Variants in TMEM117 observed in about 807,000 individuals in gnomAD.
TMEM117 encodes the protein transmembrane protein 117.
In TMEM117, 27 loss-of-function variants were observed where a neutral mutation model predicts 52.4. That is an observed-to-expected ratio of 0.51 (90% CI 0.38 to 0.71). The LOEUF is 0.71. Ranked by LOEUF, TMEM117 falls within the 30% of genes least tolerant of loss-of-function variation. TMEM117 has a pLI of 0.00. For synonymous variants in TMEM117, 215 were observed against 206.3 expected (o/e 1.04, Z -0.36); for missense variants, 556 against 630.5 (o/e 0.88, Z 1.26).
At chr12:43,797,976 T>C in the TMEM117 span, 1 of 829,464 alleles carries the variant, frequency 1.2e-6, no homozygotes. Context: ...TTGTTTACGG[T>C]CCTGCTAGCA....
intron 3 of TMEM117, among the ~76,000 whole-genome samples, chr12:44,086,759 A>G (rs958707120): frequency 3.9e-5 from 6 of 151,976 alleles, no homozygotes; most frequent in Admixed American, 3.9e-4. Context: ...GTTTTTAGAA[A>G]CAGTTTTTAC....
intron 4 of TMEM117, among the ~76,000 whole-genome samples, chr12:44,183,710 T>G (rs1949237201): frequency 2.0e-5 from 3 of 152,132 alleles, no homozygotes; most frequent in African/African-American, 7.2e-5. Context: ...AATATGCAAC[T>G]GAGTAGCCTA....
At chr12:44,025,597 A>G (rs945602699) in intron 3 of TMEM117, among the ~76,000 whole-genome samples, 2 of 152,186 alleles carry the variant, frequency 1.3e-5, no homozygotes, top group Non-Finnish European at 2.9e-5. Context: ...AGGAACATGT[A>G]GTAATGAAAT....
intron 4 of TMEM117, among the ~76,000 whole-genome samples, chr12:44,161,331 A>G (rs1310488162): frequency 6.6e-6 from 1 of 152,150 alleles, no homozygotes; most frequent in East Asian, 1.9e-4. Context: ...TTAAATCTCA[A>G]TTCTGATACT....
chr12:44,116,962 T>G (rs925652216), intron 3 of TMEM117, among the ~76,000 whole-genome samples: 3 of 152,214 alleles, frequency 2.0e-5, no homozygotes, highest in Non-Finnish European at 4.4e-5. Flanking sequence ...TGTTGTCAGC[T>G]GAATGTTAAT....
chr12:43,842,223 AG>A (rs888623981), intron 1 of TMEM117, among the ~76,000 whole-genome samples: 5 of 152,166 alleles, frequency 3.3e-5, no homozygotes, highest in Non-Finnish European at 7.3e-5. Flanking sequence ...CTTTGATGTG[AG>A]AGTCACACAT....
intron 3 of TMEM117, among the ~76,000 whole-genome samples, chr12:44,136,298 G>A (rs1349297734): frequency 6.6e-6 from 1 of 151,972 alleles, no homozygotes; most frequent in Non-Finnish European, 1.5e-5. Flanking sequence ...TGTTGTATTT[G>A]TTTACTTCAT....
chr12:44,170,318 T>G (rs1949027607), intron 4 of TMEM117, among the ~76,000 whole-genome samples: 1 of 134,626 alleles, frequency 7.4e-6, no homozygotes, highest in African/African-American at 2.7e-5. Flanking sequence ...GGGGGAGGGA[T>G]AGCATTAGGA....
chr12:44,096,694 A>G (rs1216069547), intron 3 of TMEM117, among the ~76,000 whole-genome samples: 1 of 152,108 alleles, frequency 6.6e-6, no homozygotes, highest in Non-Finnish European at 1.5e-5. Context: ...CCTTCCTTAC[A>G]CCTTATACAA....
the TMEM117 span, among the ~76,000 whole-genome samples, chr12:44,398,527 T>G: frequency 6.6e-6 from 1 of 152,130 alleles, no homozygotes; most frequent in Non-Finnish European, 1.5e-5. Context: ...GAAAATGGAC[T>G]GCAGACAAGA....
intron 4 of TMEM117, among the ~76,000 whole-genome samples, chr12:44,175,701 G>A (rs1431979429): frequency 6.6e-6 from 1 of 152,134 alleles, no homozygotes; most frequent in Non-Finnish European, 1.5e-5. Flanking sequence ...GTCAAATGAA[G>A]AAGGTAGAGC....
At chr12:44,059,726 C>CTCATTT (rs1187948579) in intron 3 of TMEM117, among the ~76,000 whole-genome samples, 1 of 152,160 alleles carries the variant, frequency 6.6e-6, no homozygotes, top group East Asian at 1.9e-4. Context: ...GTGCAATGTG[C>CTCATTT]TCATTAAAAT....
At chr12:44,282,141 T>C (rs143856199) in intron 5 of TMEM117, among the ~76,000 whole-genome samples, 4,021 of 152,246 alleles carry the variant, frequency 0.026, 176 homozygotes, top group East Asian at 0.19. Context: ...AAGAAGTGCC[T>C]TTCGCCTCCC....
At chr12:44,260,742 A>C (rs1466197944) in intron 5 of TMEM117, among the ~76,000 whole-genome samples, 1 of 152,170 alleles carries the variant, frequency 6.6e-6, no homozygotes, top group Non-Finnish European at 1.5e-5. Context: ...GTCTTGTTTA[A>C]AACCATCCTC....
At chr12:44,165,466 T>C (rs1565856620) in intron 4 of TMEM117, among the ~76,000 whole-genome samples, 1 of 152,188 alleles carries the variant, frequency 6.6e-6, no homozygotes, top group Non-Finnish European at 1.5e-5. Flanking sequence ...GACCAAACTA[T>C]ATGCAGCCTA....
chr12:44,062,296 T>C (rs1391415978), intron 3 of TMEM117, among the ~76,000 whole-genome samples: 2 of 152,218 alleles, frequency 1.3e-5, no homozygotes, highest in Admixed American at 1.3e-4. Flanking sequence ...GAACTAGCTA[T>C]GCTTCAAATT....
In TMEM117 at chr12:44,277,378, A is replaced by G. The variant is rs139623960; in HGVS notation, c.609-22202A>G. Among the ~76,000 whole-genome samples, 464 of 152,244 alleles carry G rather than the reference A, an allele frequency of 3.0e-3. 7 individuals carry two copies. The highest frequency in any genetic ancestry group is 0.01 in the African/African-American group (418 of 41,542). ...ATTTCTAAAGCTGTATTAGTTTTCT[A>G]TTACTGCATAACAAATTACAAGAAT... On this transcript the variant is annotated intron_variant, in intron 5 of 7. Coordinates refer to ENST00000266534, the MANE Select transcript of TMEM117 (RefSeq NM_032256.3).
chr12:43,865,711 AG>A (rs1482963675), intron 2 of TMEM117, among the ~76,000 whole-genome samples: 3 of 148,164 alleles, frequency 2.0e-5, no homozygotes, highest in Non-Finnish European at 3.0e-5. Flanking sequence ...AAAGAAAAAA[AG>A]AAAAAAAAAA....
intron 3 of TMEM117, among the ~76,000 whole-genome samples, chr12:43,959,077 C>T (rs561628922): frequency 3.9e-5 from 6 of 151,950 alleles, no homozygotes; most frequent in South Asian, 2.1e-4. Context: ...AAAGTGCTGG[C>T]ATTACAGGCG....
Sources: gnomAD v4.1 joint callset for allele counts (sites outside exome capture counted in the v4.1 genomes callset) on GRCh38, gnomAD v4.1.1 for gene constraint, MANE v1.5 for transcripts, NCBI Gene and HGNC (gene_info 2026-07-23, HGNC 2026-07-21) for gene names.